Variants in PTK2 observed in about 807,000 individuals in gnomAD.
PTK2 encodes protein tyrosine kinase 2, also known as focal adhesion kinase 1.
A neutral mutation model predicts 150.1 loss-of-function variants in PTK2; 45 were observed. The observed-to-expected ratio is 0.30, with a 90% CI of 0.24 to 0.38. PTK2 has a LOEUF of 0.38. Ranked by LOEUF, PTK2 falls within the 10% of genes least tolerant of loss-of-function variation. The pLI is 1.00. For synonymous variants in PTK2, 432 were observed against 449.2 expected, an observed-to-expected ratio of 0.96 and a Z score of 0.48; for missense variants, 919 against 1,307.3, an observed-to-expected ratio of 0.70 and a Z score of 4.58.
intron 22 of PTK2, among the ~76,000 whole-genome samples, chr8:140,726,872 A>T (rs1020263168): frequency 6.6e-6 from 1 of 152,224 alleles, no homozygotes; most frequent in Non-Finnish European, 1.5e-5. Context: ...GATAAAAATC[A>T]TAAACTAATT....
chr8:140,989,136 G>A (rs2154610189), intron 1 of PTK2, among the ~76,000 whole-genome samples: 1 of 145,432 alleles, frequency 6.9e-6, no homozygotes, highest in East Asian at 2.0e-4. Flanking sequence ...CCAACACTTT[G>A]GGAAGCAAAG....
intron 1 of PTK2, among the ~76,000 whole-genome samples, chr8:140,992,552 T>A (rs557043801): frequency 6.6e-6 from 1 of 152,284 alleles, no homozygotes; most frequent in African/African-American, 2.4e-5. Context: ...CCTCAGCACT[T>A]GCATTTCTAG....
At chr8:140,914,420 T>G (rs1446775730) in intron 2 of PTK2, among the ~76,000 whole-genome samples, 2 of 46,972 alleles carry the variant, frequency 4.3e-5, no homozygotes, top group African/African-American at 9.6e-5. Context: ...AAGTTTTGGG[T>G]TTTTTTTTTT....
intron 2 of PTK2, among the ~76,000 whole-genome samples, chr8:140,899,693 T>C (rs557565736): frequency 1.9e-4 from 29 of 151,974 alleles, no homozygotes; most frequent in African/African-American, 6.8e-4. Context: ...TAAACACAAA[T>C]ATCCTCAACA....
chr8:140,999,463 G>A (rs1211946707), intron 1 of PTK2, among the ~76,000 whole-genome samples: 1 of 152,126 alleles, frequency 6.6e-6, no homozygotes, highest in African/African-American at 2.4e-5. Context: ...CCCCACCAAG[G>A]ATAACCACAA....
chr8:140,944,591 G>A (rs1162517439), intron 1 of PTK2, among the ~76,000 whole-genome samples: 1 of 152,148 alleles, frequency 6.6e-6, no homozygotes, highest in Middle Eastern at 3.2e-3. Flanking sequence ...CACAATGACT[G>A]ACACATGACA....
chr8:140,998,473 T>C (rs949566525), intron 1 of PTK2, among the ~76,000 whole-genome samples: 4 of 152,046 alleles, frequency 2.6e-5, no homozygotes, highest in African/African-American at 9.7e-5. Context: ...ATATAAATAA[T>C]TTCATCTACA....
At chr8:140,735,808 C>T (rs2100052261) in intron 21 of PTK2, among the ~76,000 whole-genome samples, 1 of 152,164 alleles carries the variant, frequency 6.6e-6, no homozygotes, top group African/African-American at 2.4e-5. Flanking sequence ...ACTTTGGTCT[C>T]ATCTATTTAT....
chr8:140,681,208 T>C (rs888426214), intron 27 of PTK2, among the ~76,000 whole-genome samples: 1 of 151,272 alleles, frequency 6.6e-6, no homozygotes, highest in Non-Finnish European at 1.5e-5. Flanking sequence ...CTACTAAAAA[T>C]ACAAAAATTA....
At chr8:140,797,626 T>G (rs1022714556) in intron 12 of PTK2, among the ~76,000 whole-genome samples, 2 of 152,134 alleles carry the variant, frequency 1.3e-5, no homozygotes, top group African/African-American at 4.8e-5. Flanking sequence ...CACTTTCCTC[T>G]GAAAAAATGT....
chr8:140,768,572 C>T (rs1026512119), intron 14 of PTK2, among the ~76,000 whole-genome samples: 2 of 151,216 alleles, frequency 1.3e-5, no homozygotes, highest in African/African-American at 4.9e-5. Flanking sequence ...TGACCACTTG[C>T]CTCTAGCAGC....
chr8:140,928,732 A>C (rs1318038990), intron 1 of PTK2, among the ~76,000 whole-genome samples: 1 of 152,192 alleles, frequency 6.6e-6, no homozygotes, highest in East Asian at 1.9e-4. Context: ...TATCGAATGT[A>C]GTCAAATTTA....
chr8:140,760,953 A>G (rs985767727), intron 16 of PTK2, among the ~76,000 whole-genome samples: 2 of 152,240 alleles, frequency 1.3e-5, no homozygotes, highest in African/African-American at 4.8e-5. Flanking sequence ...TAAAATGAAT[A>G]AAAGACAGGC....
chr8:140,777,706 G>A (rs748852546), intron 14 of PTK2, among the ~76,000 whole-genome samples: 2 of 152,204 alleles, frequency 1.3e-5, no homozygotes, highest in African/African-American at 2.4e-5. Context: ...GGCAGCTCTT[G>A]TCCCGCTCAA....
intron 2 of PTK2, among the ~76,000 whole-genome samples, chr8:140,893,199 C>T (rs2100154809): frequency 6.6e-6 from 1 of 152,158 alleles, no homozygotes; most frequent in South Asian, 2.1e-4. Context: ...TGTGCCTGTA[C>T]TCCCAGCTAC....
chr8:140,829,458 TTCTC>T (rs1323333787), intron 8 of PTK2, among the ~76,000 whole-genome samples: 1 of 152,210 alleles, frequency 6.6e-6, no homozygotes, highest in African/African-American at 2.4e-5. Flanking sequence ...ACGTCGACAG[TTCTC>T]TCTCTTTTGG....
chr8:140,893,889 A>G (rs1328825012), intron 2 of PTK2, among the ~76,000 whole-genome samples: 1 of 152,212 alleles, frequency 6.6e-6, no homozygotes, highest in African/African-American at 2.4e-5. Context: ...GGGGAAACAG[A>G]ACTCTCATAC....
intron 1 of PTK2, among the ~76,000 whole-genome samples, chr8:140,982,571 T>C (rs890763638): frequency 4.6e-5 from 7 of 152,048 alleles, no homozygotes; most frequent in Non-Finnish European, 1.0e-4. Context: ...TACTCCAGCC[T>C]GGGCAACTGA....
intron 2 of PTK2, among the ~76,000 whole-genome samples, chr8:140,899,049 G>A (rs550766419): frequency 1.3e-5 from 2 of 152,154 alleles, no homozygotes; most frequent in East Asian, 1.9e-4. Flanking sequence ...TTTCTATAAC[G>A]CTTGAGTTTA....
Sources: allele counts gnomAD v4.1 joint callset (sites outside exome capture counted in the v4.1 genomes callset), GRCh38; gene constraint gnomAD v4.1.1; transcripts MANE v1.5; gene names NCBI Gene and HGNC (gene_info 2026-07-23, HGNC 2026-07-21).